TAOK1: variants seen among roughly 807,000 people sequenced by gnomAD.
The protein encoded by TAOK1 is TAO kinase 1.
In TAOK1, 21 loss-of-function variants were observed where a neutral mutation model predicts 138.3. That is an observed-to-expected ratio of 0.15 (90% confidence interval 0.11 to 0.22). TAOK1 has a LOEUF of 0.22. TAOK1 is among the 10% of genes least tolerant of loss of function. The pLI, the probability that TAOK1 is intolerant of heterozygous loss-of-function variation, is 1.00. For synonymous variants in TAOK1, 361 were observed against 398.4 expected, an observed-to-expected ratio of 0.91 and a Z score of 1.12; for missense variants, 651 against 1,227.7, an observed-to-expected ratio of 0.53 and a Z score of 7.02.
At chr17:29,394,164 T>TTTTTG (rs1904518956) in intron 1 of TAOK1, among the ~76,000 whole-genome samples, 1 of 123,130 alleles carries the variant, frequency 8.1e-6, no homozygotes, top group Non-Finnish European at 1.7e-5. Flanking sequence ...TTTTTTTTTT[T>TTTTTG]TTTTTTTTTT....
In TAOK1 at chr17:29,547,291, C is replaced by G. The variant is rs1400310630; in HGVS notation, c.*4269C>G. On this transcript the variant is annotated 3_prime_UTR_variant, in exon 20 of 20. Coordinates refer to ENST00000261716, the MANE Select transcript of TAOK1 (RefSeq NM_020791.4). ...AAGAAAGGAATTACTGCTAAAGCAT[C>G]TAAGATTCTCCTGAACTGTAAAATC... 1.3e-5 allele frequency: 2 copies of G among 152,064 alleles called. No individual in the cohort carries two copies. The highest frequency in any genetic ancestry group is 6.6e-5 in the Admixed American group (1 of 15,266). 9.4% of individuals were successfully genotyped at this position (152,064 alleles called of 1,614,324 possible). A position where few individuals can be genotyped will look rare whatever the true frequency, so the allele number is the denominator to read the frequency against.
chr17:29,464,312 C>T (rs554019741), intron 2 of TAOK1, among the ~76,000 whole-genome samples: 3 of 151,116 alleles, frequency 2.0e-5, no homozygotes, highest in South Asian at 4.2e-4. Flanking sequence ...GGCGTGGTGG[C>T]GGGCACCTGT....
chr17:29,543,778 T>C lies in TAOK1; in HGVS notation c.*756T>C, dbSNP rs1478649414. 2.0e-5 allele frequency: 3 copies of C among 152,184 alleles called. No individual in the cohort carries two copies. The highest frequency in any genetic ancestry group is 6.5e-5 in the Admixed American group (1 of 15,278). The allele number at this position is 152,184 out of a possible 1,614,324, so 9.4% of individuals were successfully genotyped here. On this transcript the variant is annotated 3_prime_UTR_variant, in exon 20 of 20. Coordinates refer to ENST00000261716, the MANE Select transcript of TAOK1 (RefSeq NM_020791.4). ...GATTTTTGTCCATTCAATTGTGCCTTCTTTGTATTATGATAAGATGGGGGT... is the reference window on the plus strand; with the variant it reads ...GATTTTTGTCCATTCAATTGTGCCTCCTTTGTATTATGATAAGATGGGGGT...
At chr17:29,407,280 TCTGA>T (rs1905021452) in intron 1 of TAOK1, among the ~76,000 whole-genome samples, 1 of 149,110 alleles carries the variant, frequency 6.7e-6, no homozygotes, top group Admixed American at 6.7e-5. Flanking sequence ...AGACACCATG[TCTGA>T]CTGTCTTCCT....
In TAOK1 at chr17:29,548,354, A is replaced by G. The variant is rs776495947; in HGVS notation, c.*5332A>G. On this transcript the variant is annotated 3_prime_UTR_variant, in exon 20 of 20. Coordinates refer to ENST00000261716, the MANE Select transcript of TAOK1 (RefSeq NM_020791.4). ...CTGGGGAGCCATTTACTATGTCACC[A>G]TCACTGTTAACTGTTTCCCAGCAAT... The G allele has an allele frequency of 6.6e-6, 1 of 152,150 alleles. No homozygotes were observed. The highest frequency in any genetic ancestry group is 1.5e-5 in the Non-Finnish European group (1 of 67,984). The allele number at this position is 152,150 out of a possible 1,614,324, so 9.4% of individuals were successfully genotyped here. A position where few individuals can be genotyped will look rare whatever the true frequency, so the allele number is the denominator to read the frequency against.
chr17:29,430,593 C>G (rs117935390), intron 1 of TAOK1, among the ~76,000 whole-genome samples: 108 of 152,264 alleles, frequency 7.1e-4, no homozygotes, highest in African/African-American at 2.5e-3. Flanking sequence ...CAAAGGGAGT[C>G]GCCTCTGGTC....
chr17:29,504,600 G>A (rs1464513717), intron 13 of TAOK1, among the ~76,000 whole-genome samples: 4 of 151,776 alleles, frequency 2.6e-5, no homozygotes, highest in African/African-American at 9.7e-5. Flanking sequence ...AACCCAGGAG[G>A]CGGAGGTTGG....
chr17:29,461,022 C>A (rs1435470676), intron 2 of TAOK1, among the ~76,000 whole-genome samples: 1 of 152,120 alleles, frequency 6.6e-6, no homozygotes, highest in African/African-American at 2.4e-5. Context: ...TTCTTCTACC[C>A]AAACTGGATT....
At position 29,548,214 on chromosome 17, in the gene TAOK1, G is replaced by A. The variant is rs551845245; in HGVS notation, c.*5192G>A. ...CTTAACGGTAGTCTTTAGATCATAAGAAATATATAAATTAGTATGCACCTT... is the reference window on the plus strand; with the variant it reads ...CTTAACGGTAGTCTTTAGATCATAAAAAATATATAAATTAGTATGCACCTT... On this transcript the variant is annotated 3_prime_UTR_variant, in exon 20 of 20. Transcript: ENST00000261716. The A allele has an allele frequency of 2.0e-5, 3 of 152,198 alleles. No homozygotes were observed. The highest frequency in any genetic ancestry group is 7.2e-5 in the African/African-American group (3 of 41,550). 9.4% of individuals were successfully genotyped at this position (152,198 alleles called of 1,614,324 possible). A position where few individuals can be genotyped will look rare whatever the true frequency, so the allele number is the denominator to read the frequency against.
At chr17:29,453,433 T>C (rs1291305177) in intron 2 of TAOK1, among the ~76,000 whole-genome samples, 1 of 152,194 alleles carries the variant, frequency 6.6e-6, no homozygotes, top group Non-Finnish European at 1.5e-5. Context: ...GTCTTTTAAG[T>C]AGAGACGGGG....
intron 2 of TAOK1, among the ~76,000 whole-genome samples, chr17:29,460,688 C>T (rs998028628): frequency 6.6e-6 from 1 of 152,052 alleles, no homozygotes; most frequent in Non-Finnish European, 1.5e-5. Context: ...TATTTTATTT[C>T]CATTTGTGAA....
chr17:29,520,184 A>G (rs1227500384), intron 16 of TAOK1, among the ~76,000 whole-genome samples: 4 of 132,506 alleles, frequency 3.0e-5, no homozygotes, highest in African/African-American at 6.6e-5. Flanking sequence ...CTGTCTGAAG[A>G]AAAAAAAAAA....
intron 8 of TAOK1, among the ~76,000 whole-genome samples, chr17:29,484,255 AT>A (rs1369258785): frequency 6.6e-6 from 1 of 152,184 alleles, no homozygotes; most frequent in Non-Finnish European, 1.5e-5. Flanking sequence ...ATTTGAAATA[AT>A]TTCTTAGAAT....
intron 3 of TAOK1, among the ~76,000 whole-genome samples, chr17:29,473,274 T>C (rs1225463477): frequency 2.6e-5 from 4 of 152,156 alleles, no homozygotes; most frequent in African/African-American, 7.2e-5. Flanking sequence ...AGGCATTTCA[T>C]AGTTGCTCTG....
intron 2 of TAOK1, among the ~76,000 whole-genome samples, chr17:29,462,704 TGTA>T (rs1440329979): frequency 2.0e-5 from 3 of 152,262 alleles, no homozygotes; most frequent in African/African-American, 7.2e-5. Context: ...AATTAATTGA[TGTA>T]GTGATTTCAG....
chr17:29,397,684 C>CATGTATATTCATGTATGATACATGTATAT (rs879487852), intron 1 of TAOK1, among the ~76,000 whole-genome samples: 4,514 of 127,902 alleles, frequency 0.035, 329 homozygotes, highest in African/African-American at 0.13. Flanking sequence ...TACATGTATA[C>CATGTATATTCATGTATGATACATGTATAT]ATGTATATTC....
intron 17 of TAOK1, 131 bp from the exon 18 acceptor site, chr17:29,530,276 C>T (rs2032079950): frequency 1.3e-6 from 1 of 753,046 alleles, no homozygotes; most frequent in South Asian, 1.9e-5. Context: ...TACCTGCAAC[C>T]TGATGATCTG....
intron 5 of TAOK1, among the ~76,000 whole-genome samples, 168 bp from the exon 6 acceptor site, chr17:29,478,083 C>T (rs78270635): frequency 1.3e-5 from 2 of 152,256 alleles, no homozygotes. Context: ...TGTACTTTAA[C>T]AACTGACACA....
chr17:29,489,560 T>C (rs2031252383), intron 8 of TAOK1, 104 bp from the exon 9 acceptor site: 2 of 737,852 alleles, frequency 2.7e-6, no homozygotes, highest in South Asian at 2.2e-5. Context: ...AAGTTTAAGA[T>C]TGTTTCAAAA....
Sources: gnomAD v4.1 joint callset for allele counts (sites outside exome capture counted in the v4.1 genomes callset) on GRCh38, gnomAD v4.1.1 for gene constraint, MANE v1.5 for transcripts, NCBI Gene and HGNC (gene_info 2026-07-23, HGNC 2026-07-21) for gene names.